Variants in TEAD1 observed in about 807,000 individuals in gnomAD.
TEAD1 encodes TEA domain transcription factor 1, also known as transcriptional enhancer factor TEF-1.
Under a neutral mutation model 54.9 loss-of-function variants are expected in TEAD1, and 9 were observed. The ratio of observed to expected loss-of-function variants is 0.16; its 90% CI spans 0.10 to 0.29. The LOEUF is 0.29. Ranked by LOEUF, TEAD1 falls within the 10% of genes least tolerant of loss-of-function variation. The probability of loss-of-function intolerance (pLI) is 1.00; values close to 1 mark genes in which losing one functional copy is unlikely to be tolerated. For synonymous variants in TEAD1, 200 were observed against 187.8 expected (o/e 1.07, Z -0.53); for missense variants, 387 against 535.9 (o/e 0.72, Z 2.74).
At chr11:12,783,098 TTGTGTGTGTGTG>T (rs34564715) in intron 3 of TEAD1, among the ~76,000 whole-genome samples, 12 of 139,366 alleles carry the variant, frequency 8.6e-5, no homozygotes, top group Middle Eastern at 3.5e-3. Context: ...AGGTAAGGGT[TTGTGTGTGTGTG>T]TGTGTGTGTG....
At chr11:12,912,264 T>C (rs1948630548) in intron 10 of TEAD1, among the ~76,000 whole-genome samples, 1 of 151,912 alleles carries the variant, frequency 6.6e-6, no homozygotes, top group East Asian at 1.9e-4. Flanking sequence ...CAGGGTCTGG[T>C]GAGGGATGGC....
chr11:12,805,397 C>T (rs1348534691), intron 3 of TEAD1, among the ~76,000 whole-genome samples: 1 of 152,162 alleles, frequency 6.6e-6, no homozygotes, highest in African/African-American at 2.4e-5. Flanking sequence ...TTCAGAATCA[C>T]AGCACAGGTT....
intron 3 of TEAD1, among the ~76,000 whole-genome samples, chr11:12,857,578 C>CTGTGTGTGTGTGTG (rs10694132): frequency 0.022 from 3,144 of 145,802 alleles, 85 homozygotes; most frequent in African/African-American, 0.051. Flanking sequence ...CTCTCTGTCT[C>CTGTGTGTGTGTGTG]TGTGTGTGTG....
intron 10 of TEAD1, 90 bp from the exon 11 acceptor site, chr11:12,924,822 C>T: frequency 6.7e-7 from 1 of 1,493,254 alleles, no homozygotes; most frequent in East Asian, 2.3e-5. Context: ...TTCATTCAGC[C>T]AAGCAGAGGT....
At chr11:12,676,470 T>C (rs972640229) in intron 2 of TEAD1, among the ~76,000 whole-genome samples, 2 of 152,254 alleles carry the variant, frequency 1.3e-5, no homozygotes, top group African/African-American at 4.8e-5. Flanking sequence ...GTCTTCAGGC[T>C]ACGCCCGGTG....
At chr11:12,819,437 C>CACGGTA (rs1946487352) in intron 3 of TEAD1, among the ~76,000 whole-genome samples, 1 of 151,952 alleles carries the variant, frequency 6.6e-6, no homozygotes, top group Non-Finnish European at 1.5e-5. Flanking sequence ...TGTTGTGTTT[C>CACGGTA]ACGGTAACAA....
At chr11:12,817,315 T>G (rs551229099) in intron 3 of TEAD1, among the ~76,000 whole-genome samples, 2 of 152,306 alleles carry the variant, frequency 1.3e-5, no homozygotes, top group African/African-American at 4.8e-5. Context: ...AGAATAAACA[T>G]TTAGTGGTCA....
chr11:12,859,764 G>C (rs73427651), intron 3 of TEAD1, among the ~76,000 whole-genome samples: 5,208 of 152,238 alleles, frequency 0.034, 325 homozygotes, highest in African/African-American at 0.12. Flanking sequence ...TAGAAAAAAT[G>C]TAAGGTTCTG....
chr11:12,915,499 T>A (rs1948694289), intron 10 of TEAD1, among the ~76,000 whole-genome samples: 1 of 152,166 alleles, frequency 6.6e-6, no homozygotes, highest in Non-Finnish European at 1.5e-5. Flanking sequence ...CTTTGGAGAG[T>A]GTTGCATTTT....
intron 10 of TEAD1, among the ~76,000 whole-genome samples, chr11:12,916,349 C>G (rs1444893851): frequency 1.3e-5 from 2 of 152,176 alleles, no homozygotes; most frequent in African/African-American, 2.4e-5. Context: ...GGGGCCAAGA[C>G]TGGCTCCATG....
chr11:12,764,843 C>T (rs1466024327), intron 3 of TEAD1, among the ~76,000 whole-genome samples: 1 of 150,356 alleles, frequency 6.7e-6, no homozygotes, highest in Non-Finnish European at 1.5e-5. Context: ...GCTCCCGAAT[C>T]CCTTGATTGC....
Position 12,857,231 on chromosome 11 carries a change from T to A in TEAD1, c.203-5019T>A, listed in dbSNP as rs542832919. On this transcript the variant is annotated intron_variant, in intron 3 of 12. Transcript: ENST00000527636. The stretch of plus-strand genomic sequence containing the variant: ...AAATAAAATGAAATAAAAACTAGAT[T>A]ACAGTGCCTGGTGAGGATCACAGTG... Among the ~76,000 whole-genome samples the A allele has an allele frequency of 2.0e-5, 3 of 152,300 alleles. No homozygotes were observed. In the South Asian group the frequency reaches 6.2e-4, roughly 32 times the overall value.
At chr11:12,821,047 G>A (rs1006063675) in intron 3 of TEAD1, among the ~76,000 whole-genome samples, 1 of 152,158 alleles carries the variant, frequency 6.6e-6, no homozygotes. Context: ...TCACCAGCCT[G>A]TCTGCCCTGA....
chr11:12,689,633 C>G (rs1258899982), intron 2 of TEAD1, among the ~76,000 whole-genome samples: 1 of 152,174 alleles, frequency 6.6e-6, no homozygotes, highest in Non-Finnish European at 1.5e-5. Flanking sequence ...TCTGTAGCAT[C>G]TGTCTCTCTT....
chr11:12,936,322 A>T (rs1305740593), intron 12 of TEAD1, among the ~76,000 whole-genome samples: 1 of 152,124 alleles, frequency 6.6e-6, no homozygotes, highest in African/African-American at 2.4e-5. Context: ...ACTGGAGGGG[A>T]AGCATGAGTA....
At chr11:12,860,452 G>GGACA (rs1348250512) in intron 3 of TEAD1, among the ~76,000 whole-genome samples, 6 of 152,158 alleles carry the variant, frequency 3.9e-5, no homozygotes, top group African/African-American at 1.4e-4. Flanking sequence ...GGCAGGTGGT[G>GGACA]GACAGAGCCA....
At chr11:12,931,008 C>G (rs1256217806) in intron 12 of TEAD1, among the ~76,000 whole-genome samples, 3 of 152,148 alleles carry the variant, frequency 2.0e-5, no homozygotes, top group African/African-American at 7.2e-5. Context: ...GCTTATGCCT[C>G]TAATCTCAAC....
intron 2 of TEAD1, among the ~76,000 whole-genome samples, chr11:12,761,616 G>C (rs1294152973): frequency 6.6e-6 from 1 of 152,146 alleles, no homozygotes; most frequent in African/African-American, 2.4e-5. Context: ...GCCATTTATT[G>C]GGGGCCACTA....
chr11:12,909,411 A>G (rs541838787), intron 10 of TEAD1, among the ~76,000 whole-genome samples: 1 of 152,258 alleles, frequency 6.6e-6, no homozygotes, highest in South Asian at 2.1e-4. Context: ...ATCGTTAGCA[A>G]ACTAACACAG....
Sources: gnomAD v4.1 joint callset for allele counts (sites outside exome capture counted in the v4.1 genomes callset) on GRCh38, gnomAD v4.1.1 for gene constraint, MANE v1.5 for transcripts, NCBI Gene and HGNC (gene_info 2026-07-23, HGNC 2026-07-21) for gene names.